The following RNF217 variants were observed in gnomAD, a reference collection of about 807,000 sequenced individuals.
RNF217 encodes E3 ubiquitin-protein ligase RNF217.
A neutral mutation model predicts 57.8 loss-of-function variants in RNF217; 31 were observed. The ratio of observed to expected loss-of-function variants is 0.54; its 90% CI spans 0.40 to 0.72. The LOEUF (loss-of-function observed/expected upper bound fraction) is 0.72. Among genes scored for constraint, RNF217 ranks in the 30% least tolerant of loss-of-function variants. The pLI, the probability that RNF217 is intolerant of heterozygous loss-of-function variation, is 0.00. For synonymous variants in RNF217, 313 were observed against 294.0 expected (o/e 1.06, Z -0.66); for missense variants, 696 against 708.3 (o/e 0.98, Z 0.20).
intron 1 of RNF217, among the ~76,000 whole-genome samples, chr6:124,973,950 G>T (rs1008897178): frequency 6.6e-6 from 1 of 152,246 alleles, no homozygotes; most frequent in Admixed American, 6.5e-5. Context: ...TCACTTGGCT[G>T]GCAGCTGATG....
chr6:124,979,254 G>A (rs1467972778), intron 1 of RNF217, among the ~76,000 whole-genome samples: 2 of 152,168 alleles, frequency 1.3e-5, no homozygotes, highest in Non-Finnish European at 2.9e-5. Flanking sequence ...TCTAGGAAGA[G>A]AAAGCTGTCT....
chr6:124,974,183 G>T (rs1356483509), intron 1 of RNF217, among the ~76,000 whole-genome samples: 3 of 152,114 alleles, frequency 2.0e-5, no homozygotes, highest in African/African-American at 4.8e-5. Flanking sequence ...CAAGGGGAAG[G>T]GACATTGACC....
intron 1 of RNF217, among the ~76,000 whole-genome samples, chr6:124,980,030 T>C (rs1331436944): frequency 1.3e-5 from 2 of 152,198 alleles, no homozygotes; most frequent in East Asian, 3.9e-4. Context: ...GTTTTACAAG[T>C]CTGTGTATCA....
At chr6:125,009,891 C>G (rs994988156) in intron 1 of RNF217, among the ~76,000 whole-genome samples, 3 of 152,044 alleles carry the variant, frequency 2.0e-5, no homozygotes, top group African/African-American at 7.2e-5. Flanking sequence ...ATTGCTTCAG[C>G]TATTTTAGAC....
intron 3 of RNF217, among the ~76,000 whole-genome samples, chr6:125,060,156 G>A (rs1306957916): frequency 6.6e-6 from 1 of 151,988 alleles, no homozygotes; most frequent in Non-Finnish European, 1.5e-5. Flanking sequence ...GTTTTATACT[G>A]TAAGGCTTTC....
chr6:125,031,032 G>A (rs553362575), intron 1 of RNF217, among the ~76,000 whole-genome samples: 7 of 152,354 alleles, frequency 4.6e-5, no homozygotes, highest in African/African-American at 1.4e-4. Context: ...GCACATGCAC[G>A]CGGAACACCA....
intron 1 of RNF217, among the ~76,000 whole-genome samples, chr6:125,010,421 T>C (rs1418004310): frequency 6.6e-6 from 1 of 152,190 alleles, no homozygotes; most frequent in Non-Finnish European, 1.5e-5. Context: ...TAATAAGATA[T>C]CTGCCTTACT....
At chr6:124,965,037 G>C (rs1043835705) in intron 1 of RNF217, among the ~76,000 whole-genome samples, 1 of 152,146 alleles carries the variant, frequency 6.6e-6, no homozygotes, top group South Asian at 2.1e-4. Flanking sequence ...CTTATGGTGG[G>C]CCCTTTCCCC....
At chr6:125,037,885 C>G (rs982840362) in intron 1 of RNF217, among the ~76,000 whole-genome samples, 1 of 152,164 alleles carries the variant, frequency 6.6e-6, no homozygotes, top group Non-Finnish European at 1.5e-5. Flanking sequence ...ACCTTGTAAA[C>G]TATCATGACC....
intron 1 of RNF217, among the ~76,000 whole-genome samples, chr6:125,024,848 C>T (rs1452642635): frequency 1.3e-5 from 2 of 151,754 alleles, no homozygotes; most frequent in African/African-American, 4.8e-5. Context: ...ACGTAGATAT[C>T]AGAAGCTTAG....
intron 3 of RNF217, among the ~76,000 whole-genome samples, chr6:125,072,432 A>G (rs1183427594): frequency 6.6e-6 from 1 of 152,242 alleles, no homozygotes; most frequent in Non-Finnish European, 1.5e-5. Flanking sequence ...CTTCCTGTAC[A>G]GAAATATTAT....
At chr6:125,068,753 C>T (rs1259256115) in intron 3 of RNF217, among the ~76,000 whole-genome samples, 1 of 152,056 alleles carries the variant, frequency 6.6e-6, no homozygotes, top group Non-Finnish European at 1.5e-5. Context: ...GAATGAAAGA[C>T]AGCTAGATGT....
intron 1 of RNF217, among the ~76,000 whole-genome samples, chr6:124,987,335 T>A (rs887811799): frequency 6.6e-6 from 1 of 152,148 alleles, no homozygotes; most frequent in Non-Finnish European, 1.5e-5. Context: ...CTTTTTTTAT[T>A]CCCCCTAAGA....
intron 1 of RNF217, among the ~76,000 whole-genome samples, chr6:124,972,221 CTAAT>C (rs1312073509): frequency 6.6e-6 from 1 of 152,174 alleles, no homozygotes; most frequent in African/African-American, 2.4e-5. Flanking sequence ...TCTCCCACAT[CTAAT>C]TAATCACCAG....
intron 3 of RNF217, among the ~76,000 whole-genome samples, chr6:125,066,635 C>G (rs953217929): frequency 2.6e-5 from 4 of 152,146 alleles, no homozygotes; most frequent in African/African-American, 9.7e-5. Flanking sequence ...TCCCCTACCT[C>G]AGTAGGTACT....
intron 1 of RNF217, among the ~76,000 whole-genome samples, chr6:125,043,438 C>T (rs1786964658): frequency 6.6e-6 from 1 of 152,046 alleles, no homozygotes. Flanking sequence ...CCTGTACTCA[C>T]CATTTTGCAT....
chr6:125,042,744 C>A (rs503812), intron 1 of RNF217, among the ~76,000 whole-genome samples: 8,930 of 152,076 alleles, frequency 0.059, 476 homozygotes, highest in African/African-American at 0.14. Context: ...GGATTGCTCT[C>A]GTCCCTAAAC....
At position 125,085,658 on chromosome 6, in the gene RNF217, T is replaced by TA. The variant is rs549086916; in HGVS notation, c.*2727dup. On this transcript the variant is annotated 3_prime_UTR_variant, in exon 6 of 6. Coordinates refer to ENST00000521654, the MANE Select transcript of RNF217 (RefSeq NM_001286398.3). Reference sequence around the variant, plus strand: ...ATTGTAAATTTAATATATACTACTTTAAAAAATTGAACTATACAGAATTTA... The same window carrying TA: ...ATTGTAAATTTAATATATACTACTTTAAAAAAATTGAACTATACAGAATTTA... The TA allele has an allele frequency of 6.6e-6, 1 of 151,838 alleles. No individual in the cohort carries two copies. The highest frequency in any genetic ancestry group is 1.5e-5 in the Non-Finnish European group (1 of 67,824). 9.4% of individuals were successfully genotyped at this position (151,838 alleles called of 1,614,324 possible).
intron 2 of RNF217, among the ~76,000 whole-genome samples, chr6:125,055,027 G>C (rs751178208): frequency 6.6e-6 from 1 of 152,144 alleles, no homozygotes; most frequent in African/African-American, 2.4e-5. Context: ...ATGCAGTGTT[G>C]ATGTCTGTAT....
Sources: gnomAD v4.1 joint callset for allele counts (sites outside exome capture counted in the v4.1 genomes callset) on GRCh38, gnomAD v4.1.1 for gene constraint, MANE v1.5 for transcripts, NCBI Gene and HGNC (gene_info 2026-07-23, HGNC 2026-07-21) for gene names.